Variants in BTBD9 observed in about 807,000 individuals in gnomAD.
BTBD9 encodes BTB/POZ domain-containing protein 9.
BTBD9 carries 49 observed loss-of-function variants against 64.3 expected under a neutral mutation model. That is an observed-to-expected ratio of 0.76 (90% CI 0.61 to 0.97). The LOEUF (loss-of-function observed/expected upper bound fraction) is 0.97. Ranked by LOEUF, BTBD9 falls within the 50% of genes least tolerant of loss-of-function variation. The pLI, the probability that BTBD9 is intolerant of heterozygous loss-of-function variation, is 0.00. For missense variants in BTBD9, 598 were observed against 762.1 expected (o/e 0.78, Z 2.53); for synonymous variants, 260 against 274.7 (o/e 0.95, Z 0.53).
chr6:38,628,448 C>T (rs894826905), intron 1 of BTBD9, among the ~76,000 whole-genome samples: 3 of 152,114 alleles, frequency 2.0e-5, no homozygotes, highest in African/African-American at 7.2e-5. Flanking sequence ...TTTGAACCTA[C>T]TTTCTGGGTA....
chr6:38,350,345 T>C (rs994103794), intron 6 of BTBD9, among the ~76,000 whole-genome samples: 1 of 152,184 alleles, frequency 6.6e-6, no homozygotes, highest in Non-Finnish European at 1.5e-5. Flanking sequence ...ACCTTTAACA[T>C]ACTAAAGACA....
intron 6 of BTBD9, among the ~76,000 whole-genome samples, chr6:38,374,864 T>A (rs912378565): frequency 6.6e-6 from 1 of 152,098 alleles, no homozygotes; most frequent in Non-Finnish European, 1.5e-5. Context: ...GGAGTCAGAG[T>A]TGGCAGCGAC....
In BTBD9 at chr6:38,177,689, G is replaced by A. The variant is rs145919551; in HGVS notation, c.1642-2507C>T. ...GCACGTGATAGACATTCCACGACCCGACCTGTCGGTGCCCTGGTTCTCATT... is the reference window on the plus strand; with the variant it reads ...GCACGTGATAGACATTCCACGACCCAACCTGTCGGTGCCCTGGTTCTCATT... On this transcript the variant is annotated intron_variant, in intron 10 of 10. Coordinates refer to ENST00000481247, the MANE Select transcript of BTBD9 (RefSeq NM_001099272.2). 5.1e-3 allele frequency among the ~76,000 whole-genome samples: 770 copies of A among 152,294 alleles called. 9 individuals carry two copies. Among genetic ancestry groups the A allele is most frequent in the African/African-American group, 0.017 (715 of 41,554 alleles).
chr6:38,487,066 C>T (rs1771468946), intron 6 of BTBD9, among the ~76,000 whole-genome samples: 1 of 152,078 alleles, frequency 6.6e-6, no homozygotes, highest in African/African-American at 2.4e-5. Context: ...TGAATCTGTA[C>T]CCAAATCTAG....
At position 38,171,866 on chromosome 6, in the gene BTBD9, AAAAAAAAAAAAAAAAATAATAAT is replaced by A. The variant is rs1561821575; in HGVS notation, c.*3096_*3118del. On this transcript the variant is annotated 3_prime_UTR_variant, in exon 11 of 11. Coordinates refer to ENST00000481247, the MANE Select transcript of BTBD9 (RefSeq NM_001099272.2). ...ACTCTCAAAAAAAAAAAAAAAAAAA[AAAAAAAAAAAAAAAAATAATAAT>A]AATAATAATAATAATAATAATGAAA... 1.0e-4 allele frequency: 9 copies of A among 86,630 alleles called. No homozygotes were observed. The highest frequency in any genetic ancestry group is 0.013 in the Middle Eastern group (2 of 154). 5.4% of individuals were successfully genotyped at this position (86,630 alleles called of 1,614,324 possible). A position where few individuals can be genotyped will look rare whatever the true frequency, so the allele number is the denominator to read the frequency against.
chr6:38,211,981 G>A (rs1032028365), intron 9 of BTBD9, among the ~76,000 whole-genome samples: 2 of 152,212 alleles, frequency 1.3e-5, no homozygotes, highest in Non-Finnish European at 2.9e-5. Flanking sequence ...CCATGGCTGG[G>A]TGATGTGGGG....
chr6:38,459,239 G>A (rs561257460), intron 6 of BTBD9, among the ~76,000 whole-genome samples: 13 of 152,190 alleles, frequency 8.5e-5, no homozygotes, highest in Middle Eastern at 3.4e-3. Flanking sequence ...GGCTGGTCTC[G>A]AACTCCTGAC....
chr6:38,629,244 T>G (rs1008685940), intron 1 of BTBD9, among the ~76,000 whole-genome samples: 14 of 152,148 alleles, frequency 9.2e-5, no homozygotes, highest in African/African-American at 2.9e-4. Flanking sequence ...AGCCTAAAAC[T>G]AGTCGGTGAA....
chr6:38,417,174 C>G (rs1767705686), intron 6 of BTBD9, among the ~76,000 whole-genome samples: 1 of 152,180 alleles, frequency 6.6e-6, no homozygotes, highest in African/African-American at 2.4e-5. Context: ...TGGTCTCAAA[C>G]TTTTGGCCTC....
intron 6 of BTBD9, among the ~76,000 whole-genome samples, chr6:38,374,294 T>TACACAC (rs1554143542): frequency 5.0e-5 from 4 of 80,392 alleles, no homozygotes; most frequent in African/African-American, 3.1e-4. Context: ...TATATATATA[T>TACACAC]ATGTATATAT....
intron 6 of BTBD9, among the ~76,000 whole-genome samples, chr6:38,504,144 C>G (rs1465853520): frequency 6.6e-6 from 1 of 152,182 alleles, no homozygotes; most frequent in South Asian, 2.1e-4. Context: ...ACATGCCTGG[C>G]AAACTTCAGC....
intron 6 of BTBD9, among the ~76,000 whole-genome samples, chr6:38,372,748 A>T (rs1765476658): frequency 6.6e-6 from 1 of 152,154 alleles, no homozygotes; most frequent in African/African-American, 2.4e-5. Flanking sequence ...GCCTCTCTCC[A>T]GTCTTCCTTC....
intron 9 of BTBD9, among the ~76,000 whole-genome samples, chr6:38,230,919 C>A (rs1763584066): frequency 6.6e-6 from 1 of 152,204 alleles, no homozygotes; most frequent in Non-Finnish European, 1.5e-5. Flanking sequence ...TCATTTTCTT[C>A]ATGGCATTTA....
intron 7 of BTBD9, among the ~76,000 whole-genome samples, chr6:38,338,494 A>G (rs1763983211): frequency 6.6e-6 from 1 of 152,148 alleles, no homozygotes; most frequent in African/African-American, 2.4e-5. Flanking sequence ...CACAAAAGTA[A>G]CACTTTAACG....
At chr6:38,564,012 G>C (rs1775368760) in intron 6 of BTBD9, among the ~76,000 whole-genome samples, 1 of 151,634 alleles carries the variant, frequency 6.6e-6, no homozygotes, top group Non-Finnish European at 1.5e-5. Context: ...TCAATCTCCT[G>C]ACCTTGTGAT....
chr6:38,448,532 G>A (rs924609048), intron 6 of BTBD9, among the ~76,000 whole-genome samples: 4 of 151,758 alleles, frequency 2.6e-5, no homozygotes, highest in South Asian at 2.1e-4. Context: ...CTCTTTTTTT[G>A]AGACAGTCTC....
intron 1 of BTBD9, among the ~76,000 whole-genome samples, chr6:38,629,989 C>A (rs1030393565): frequency 1.3e-5 from 2 of 151,822 alleles, no homozygotes; most frequent in African/African-American, 4.8e-5. Flanking sequence ...GGGCGGATCA[C>A]CTGAGGTCAA....
At chr6:38,269,233 A>G (rs1039141698) in intron 8 of BTBD9, among the ~76,000 whole-genome samples, 6 of 152,270 alleles carry the variant, frequency 3.9e-5, no homozygotes, top group Non-Finnish European at 8.8e-5. Context: ...TATAAAGGTG[A>G]AAATCCTAAC....
chr6:38,394,829 C>T (rs1265712421), intron 6 of BTBD9, among the ~76,000 whole-genome samples: 2 of 152,118 alleles, frequency 1.3e-5, no homozygotes, highest in Non-Finnish European at 2.9e-5. Context: ...GCAAATGGGC[C>T]ACCTTGAAAA....
Sources: gnomAD v4.1 joint callset for allele counts (sites outside exome capture counted in the v4.1 genomes callset) on GRCh38, gnomAD v4.1.1 for gene constraint, MANE v1.5 for transcripts, NCBI Gene and HGNC (gene_info 2026-07-23, HGNC 2026-07-21) for gene names.